Variants in HSD17B8 observed in about 807,000 individuals in gnomAD.
HSD17B8 encodes (3R)-3-hydroxyacyl-CoA dehydrogenase.
In HSD17B8, 23 loss-of-function variants were observed where a neutral mutation model predicts 33.2. The observed-to-expected ratio is 0.69, with a 90% CI of 0.50 to 0.98. The LOEUF is 0.98. Ranked by LOEUF, HSD17B8 falls within the 50% of genes least tolerant of loss-of-function variation. The pLI is 0.00. For missense variants in HSD17B8, 345 were observed against 347.5 expected (o/e 0.99, Z 0.06); for synonymous variants, 137 against 138.6 (o/e 0.99, Z 0.08).
At position 33,205,720 on chromosome 6, in the gene HSD17B8, T is replaced by C; in HGVS notation, c.561T>C (p.Leu187=). The change falls in exon 5 of 9, where the codon CTT becomes CTC. Residue 187 remains leucine (L), a synonymous_variant. Transcript: ENST00000374662. This position sits in a 1 kb window ranked among gnomAD's most constrained non-coding sequence, Gnocchi z 5.0. ...IGLTQTAARE[L]GRHGIRCNSV... ...TGACCCAGACCGCAGCCCGGGAGCT[T>C]GGACGGTTGGTCAGATGCTTGAGGG... 6.2e-7 allele frequency: 1 copy of C among 1,613,062 alleles called. No individual in the cohort carries two copies. The highest frequency in any genetic ancestry group is 1.1e-5 in the South Asian group (1 of 91,084).
In HSD17B8 at chr6:33,205,296, T is replaced by C. The variant is rs1433882137; in HGVS notation, c.346T>C (p.Ser116Pro). 1 of 1,613,338 alleles carries C rather than the reference T, an allele frequency of 6.2e-7. No homozygotes were observed. Among genetic ancestry groups the C allele is most frequent in the Non-Finnish European group, 8.5e-7 (1 of 1,180,022 alleles). ...ITQDEFLLHM[S>P]EDDWDKVIAV... is the part of the protein sequence containing the mutation. ...CCAGGATGAGTTTCTGCTGCACATGTCTGAGGATGACTGGGACAAAGTCAT... is the reference window on the plus strand; with the variant it reads ...CCAGGATGAGTTTCTGCTGCACATGCCTGAGGATGACTGGGACAAAGTCAT... The change falls in exon 3 of 9, where the codon TCT (serine) becomes CCT (proline). Residue 116 changes from serine to proline, a missense_variant. Transcript: ENST00000374662. This position sits in a 1 kb window ranked among gnomAD's most constrained non-coding sequence, Gnocchi z 5.0.
chr6:33,206,391 C>G lies in HSD17B8; in HGVS notation c.711C>G (p.Val237=), dbSNP rs1775064133. The change falls in exon 8 of 9, where the codon GTC becomes GTG. Residue 237 remains valine, a synonymous_variant. Coordinates refer to ENST00000374662, the MANE Select transcript of HSD17B8 (RefSeq NM_014234.5). This position sits in a 1 kb window ranked among gnomAD's most constrained non-coding sequence, Gnocchi z 6.2. ...TTCTCATAGATGTGGCAGATGTGGT[C>G]GCATTCTTGGCATCTGAAGATAGTG... is the stretch of plus-strand genomic sequence containing the variant. ...LGDPEDVADV[V]AFLASEDSGY... is the part of the protein sequence containing the mutation. 1.2e-6 allele frequency: 2 copies of G among 1,613,700 alleles called. No individual in the cohort carries two copies. Among genetic ancestry groups the G allele is most frequent in the Non-Finnish European group, 1.7e-6 (2 of 1,179,942 alleles).
chr6:33,204,706 T>C lies in HSD17B8; in HGVS notation c.38T>C (p.Leu13Pro). Residue 13 changes from leucine to proline, a missense_variant, in exon 1 of 9, where the codon CTG becomes CCG. Leu to Pro is a moderately conservative substitution (Grantham distance 98). Coordinates refer to ENST00000374662, the MANE Select transcript of HSD17B8 (RefSeq NM_014234.5). ...CTCCAGAACCGACTCCGCTCCGCAC[T>C]GGCCTTGGTCACAGGTTGAGGGGGT... is the stretch of plus-strand genomic sequence containing the variant. ...SQLQNRLRSA[L>P]ALVTGAGSGI... 1.3e-6 allele frequency: 2 copies of C among 1,575,060 alleles called. No homozygotes were observed. The highest frequency in any genetic ancestry group is 1.7e-6 in the Non-Finnish European group (2 of 1,156,152).
chr6:33,206,486 G>T lies in HSD17B8; in HGVS notation c.769+37G>T, dbSNP rs367921166. ...GCATGGGGAGGGAGAGGGCAGAGAA[G>T]TAGAACCCAGACTATATGAGAAAGC... On this transcript the variant is annotated intron_variant, in intron 8 of 8. Transcript: ENST00000374662. The surrounding 1 kb of genome is among the most constrained non-coding windows in gnomAD (Gnocchi z 6.2). 46 of 1,590,694 alleles carry T rather than the reference G, an allele frequency of 2.9e-5. No individual in the cohort carries two copies. The African/African-American group carries it at 4.6e-4, about 16-fold the overall frequency.
chr6:33,205,791 C>T lies in HSD17B8; in HGVS notation c.567-37C>T, dbSNP rs375726154. ...GTCTGAGGGAGGTACCAGCATTCAGCCCTCTCCAGAATCGGCAGCCACTCT... is the reference window on the plus strand; with the variant it reads ...GTCTGAGGGAGGTACCAGCATTCAGTCCTCTCCAGAATCGGCAGCCACTCT... On this transcript the variant is annotated intron_variant, in intron 5 of 8. Coordinates refer to ENST00000374662, the MANE Select transcript of HSD17B8 (RefSeq NM_014234.5). This position sits in a 1 kb window ranked among gnomAD's most constrained non-coding sequence, Gnocchi z 5.0. 39 of 1,608,794 alleles carry T rather than the reference C, an allele frequency of 2.4e-5. 1 individual carries two copies. Among genetic ancestry groups the T allele is most frequent in the South Asian group, 1.6e-4 (15 of 91,006 alleles).
In HSD17B8 at chr6:33,206,071, C is replaced by T; in HGVS notation, c.652-63C>T. 1 of 1,559,760 alleles carries T rather than the reference C, an allele frequency of 6.4e-7. No homozygotes were observed. The highest frequency in any genetic ancestry group is 1.1e-5 in the South Asian group (1 of 88,310). On this transcript the variant is annotated intron_variant, in intron 6 of 8. Coordinates refer to ENST00000374662, the MANE Select transcript of HSD17B8 (RefSeq NM_014234.5). The surrounding 1 kb of genome is among the most constrained non-coding windows in gnomAD (Gnocchi z 6.2). ...GAGAAATGAAGACAAAAAAGGGTCA[C>T]AGACTCAGTCTTCAAAAAAATCCAT... is the stretch of plus-strand genomic sequence containing the variant.
In HSD17B8 at chr6:33,205,976, AG is replaced by A; in HGVS notation, c.651+65del. 9.9e-7 allele frequency: 1 copy of A among 1,014,188 alleles called. No homozygotes were observed. The highest frequency in any genetic ancestry group is 1.4e-6 in the Non-Finnish European group (1 of 724,384). 62.8% of individuals were successfully genotyped at this position (1,014,188 alleles called of 1,614,324 possible). A position where few individuals can be genotyped will look rare whatever the true frequency, so the allele number is the denominator to read the frequency against. On this transcript the variant is annotated intron_variant, in intron 6 of 8. Coordinates refer to ENST00000374662, the MANE Select transcript of HSD17B8 (RefSeq NM_014234.5). The surrounding 1 kb of genome is among the most constrained non-coding windows in gnomAD (Gnocchi z 5.0). ...CTCAATCTCTCTGGGCTTCACAGAG[AG>A]AGAGAGAGAGAGAGAGAGAGAATAC...
rs956937028 is a variant in HSD17B8 at position 33,204,909 on chromosome 6, G to C, written c.60G>C (p.Gly20=). The C allele has an allele frequency of 3.4e-6, 5 of 1,465,666 alleles. No homozygotes were observed. In the Admixed American group the frequency reaches 7.6e-5, roughly 22 times the overall value. 90.8% of individuals were successfully genotyped at this position (1,465,666 alleles called of 1,614,324 possible). A position where few individuals can be genotyped will look rare whatever the true frequency, so the allele number is the denominator to read the frequency against. ...RSALALVTGA[G]SGIGRAVSVR... ...TGTTCTGTCCTACCTCAGGTGCGGG[G>C]AGCGGCATCGGCCGAGCGGTCAGTG... is the stretch of plus-strand genomic sequence containing the variant. The change falls in exon 2 of 9, where the codon GGG becomes GGC. Residue 20 remains glycine (G), a synonymous_variant. Coordinates refer to ENST00000374662, the MANE Select transcript of HSD17B8 (RefSeq NM_014234.5).
chr6:33,206,226 G>C lies in HSD17B8; in HGVS notation c.694+50G>C, dbSNP rs2150694792. On this transcript the variant is annotated intron_variant, in intron 7 of 8. Transcript: ENST00000374662. The surrounding 1 kb of genome is among the most constrained non-coding windows in gnomAD (Gnocchi z 6.2). Reference sequence around the variant, plus strand: ...CCTGGGAAGGGGGCCTGAATGAAGAGATCCCCAAAGTTTGGGGATTTTCTA... The same window carrying C: ...CCTGGGAAGGGGGCCTGAATGAAGACATCCCCAAAGTTTGGGGATTTTCTA... 1 of 1,596,748 alleles carries C rather than the reference G, an allele frequency of 6.3e-7. No homozygotes were observed. The highest frequency in any genetic ancestry group is 1.1e-5 in the South Asian group (1 of 90,580).
At position 33,205,768 on chromosome 6, in the gene HSD17B8, C is replaced by G. The variant is rs745759025; in HGVS notation, c.566+43C>G. 1 of 1,610,722 alleles carries G rather than the reference C, an allele frequency of 6.2e-7. No individual in the cohort carries two copies. The highest frequency in any genetic ancestry group is 2.2e-5 in the East Asian group (1 of 44,862). On this transcript the variant is annotated intron_variant, in intron 5 of 8. Transcript: ENST00000374662. This position sits in a 1 kb window ranked among gnomAD's most constrained non-coding sequence, Gnocchi z 5.0. ...GGGTGCTGGGGAGCACCTGGGGGGTCTGAGGGAGGTACCAGCATTCAGCCC... is the reference window on the plus strand; with the variant it reads ...GGGTGCTGGGGAGCACCTGGGGGGTGTGAGGGAGGTACCAGCATTCAGCCC...
chr6:33,205,086 C>A lies in HSD17B8; in HGVS notation c.237C>A (p.Ala79=). The change falls in exon 2 of 9, where the codon GCC becomes GCA. Residue 79 remains alanine (A), a synonymous_variant. Transcript: ENST00000374662. This position sits in a 1 kb window ranked among gnomAD's most constrained non-coding sequence, Gnocchi z 5.0. ...CCTTCCAGGCTGACGTGTCTGAGGC[C>A]AGGGCCGCCAGGTGCCTGCTGGAAC... ...HAAFQADVSE[A]RAARCLLEQV... 6.4e-7 allele frequency: 1 copy of A among 1,565,860 alleles called. No homozygotes were observed.
chr6:33,205,505 G>C lies in HSD17B8; in HGVS notation c.446G>C (p.Gly149Ala), dbSNP rs1458271355. Reference protein sequence around the residue: ...AQALVSNGCRGSIINISSIVG... With the variant: ...AQALVSNGCRASIINISSIVG... ...GCCCTGGTGTCCAATGGTTGTCGTGGTTCCATCATCAACATCAGTAGCATC... is the reference window on the plus strand; with the variant it reads ...GCCCTGGTGTCCAATGGTTGTCGTGCTTCCATCATCAACATCAGTAGCATC... The change falls in exon 4 of 9, where the codon GGT becomes GCT. Residue 149 changes from glycine to alanine, a missense_variant. Gly to Ala is a moderately conservative substitution (Grantham distance 60). Transcript: ENST00000374662. The surrounding 1 kb of genome is among the most constrained non-coding windows in gnomAD (Gnocchi z 5.0). 2 of 1,612,956 alleles carry C rather than the reference G, an allele frequency of 1.2e-6. No homozygotes were observed. Among genetic ancestry groups the C allele is most frequent in the African/African-American group, 2.7e-5 (2 of 74,902 alleles).
Position 33,205,343 on chromosome 6 carries a change from G to T in HSD17B8, c.387+6G>T, listed in dbSNP as rs769365208. ...TCATAGCTGTCAACCTCAAGGTGGC[G>T]ATCTCTGAACCTGCGACGTTTGGCC... On this transcript the variant is annotated splice_donor_region_variant and intron_variant, in intron 3 of 8. Coordinates refer to ENST00000374662, the MANE Select transcript of HSD17B8 (RefSeq NM_014234.5). This position sits in a 1 kb window ranked among gnomAD's most constrained non-coding sequence, Gnocchi z 5.0. 3.1e-6 allele frequency: 5 copies of T among 1,612,008 alleles called. No homozygotes were observed. The highest frequency in any genetic ancestry group is 4.2e-6 in the Non-Finnish European group (5 of 1,178,662).
In HSD17B8 at chr6:33,206,687, C is replaced by A. The variant is rs770794469; in HGVS notation, c.*33C>A. The A allele has an allele frequency of 2.5e-6, 4 of 1,610,884 alleles. No individual in the cohort carries two copies. Among genetic ancestry groups the A allele is most frequent in the Non-Finnish European group, 3.4e-6 (4 of 1,177,064 alleles). On this transcript the variant is annotated 3_prime_UTR_variant, in exon 9 of 9. Coordinates refer to ENST00000374662, the MANE Select transcript of HSD17B8 (RefSeq NM_014234.5). This position sits in a 1 kb window ranked among gnomAD's most constrained non-coding sequence, Gnocchi z 6.2. ...AAGGACCCTGGACTCTGCTCACCCC[C>A]CCACCACTCTGCCTGGCCTCCTGCT...
rs1583447545 is a variant in HSD17B8 at position 33,206,668 on chromosome 6, C to T, written c.*14C>T. On this transcript the variant is annotated 3_prime_UTR_variant, in exon 9 of 9. Coordinates refer to ENST00000374662, the MANE Select transcript of HSD17B8 (RefSeq NM_014234.5). This position sits in a 1 kb window ranked among gnomAD's most constrained non-coding sequence, Gnocchi z 6.2. ...CTTTTCATGTAACTGCCTCAAGGAC[C>T]CTGGACTCTGCTCACCCCCCCACCA... The T allele has an allele frequency of 6.2e-7, 1 of 1,613,510 alleles. No homozygotes were observed. Among genetic ancestry groups the T allele is most frequent in the African/African-American group, 1.3e-5 (1 of 74,932 alleles).
At chr6:33,204,741 G>C in intron 1 of HSD17B8, 21 bp downstream of exon 1, 1 of 1,611,688 alleles carries the variant, frequency 6.2e-7, no homozygotes, top group East Asian at 2.2e-5. Context: ...TTCTTTCCCC[G>C]GGCGGTTTGG....
At position 33,204,692 on chromosome 6, in the gene HSD17B8, A is replaced by C; in HGVS notation, c.24A>C (p.Arg8=). The C allele has an allele frequency of 6.2e-7, 1 of 1,611,714 alleles. No individual in the cohort carries two copies. The highest frequency in any genetic ancestry group is 8.5e-7 in the Non-Finnish European group (1 of 1,179,678). Reference sequence around the variant, plus strand: ...CCATGGCGTCTCAGCTCCAGAACCGACTCCGCTCCGCACTGGCCTTGGTCA... The same window carrying C: ...CCATGGCGTCTCAGCTCCAGAACCGCCTCCGCTCCGCACTGGCCTTGGTCA... MASQLQN[R]LRSALALVTG... Residue 8 remains arginine, a synonymous_variant, in exon 1 of 9, where the codon CGA becomes CGC. Coordinates refer to ENST00000374662, the MANE Select transcript of HSD17B8 (RefSeq NM_014234.5).
chr6:33,206,438 T>C lies in HSD17B8; in HGVS notation c.758T>C (p.Val253Ala), dbSNP rs749634614. The C allele has an allele frequency of 6.3e-5, 101 of 1,613,318 alleles. No individual in the cohort carries two copies. The highest frequency in any genetic ancestry group is 8.5e-5 in the Non-Finnish European group (100 of 1,179,468). The change falls in exon 8 of 9, where the codon GTG (valine) becomes GCG (alanine). Residue 253 changes from valine (V) to alanine (A), a missense_variant. Val to Ala is a moderately conservative substitution (Grantham distance 64). Coordinates refer to ENST00000374662, the MANE Select transcript of HSD17B8 (RefSeq NM_014234.5). The surrounding 1 kb of genome is among the most constrained non-coding windows in gnomAD (Gnocchi z 6.2). ...AGTGGATACATCACAGGGACCTCAG[T>C]GGAAGTCACTGGTATGAGGCCAGCA... ...EDSGYITGTS[V>A]EVTGGLFM
chr6:33,206,391 C>T lies in HSD17B8; in HGVS notation c.711C>T (p.Val237=). The T allele has an allele frequency of 1.2e-6, 2 of 1,613,700 alleles. No individual in the cohort carries two copies. The highest frequency in any genetic ancestry group is 1.7e-6 in the Non-Finnish European group (2 of 1,179,942). The part of the protein sequence containing the change: ...LGDPEDVADV[V]AFLASEDSGY... ...TTCTCATAGATGTGGCAGATGTGGT[C>T]GCATTCTTGGCATCTGAAGATAGTG... Residue 237 remains valine (V), a synonymous_variant, in exon 8 of 9, where the codon GTC becomes GTT. Transcript: ENST00000374662. This position sits in a 1 kb window ranked among gnomAD's most constrained non-coding sequence, Gnocchi z 6.2.
Sources: gnomAD v4.1 joint callset for allele counts on GRCh38, gnomAD v4.1.1 for gene constraint, Gnocchi (gnomAD v3.1) non-coding constraint, MANE v1.5 for transcripts, NCBI Gene and HGNC (gene_info 2026-07-23, HGNC 2026-07-21) for gene names.